The following CSMD1 variants were observed in gnomAD, a reference collection of about 807,000 sequenced individuals.
The protein encoded by CSMD1 is CUB and Sushi multiple domains 1.
CSMD1 carries 213 observed loss-of-function variants against 417.5 expected under a neutral mutation model. That is an observed-to-expected ratio of 0.51 (90% CI 0.46 to 0.57). The LOEUF is 0.57. Among genes scored for constraint, CSMD1 ranks in the 20% least tolerant of loss-of-function variants. The pLI, the probability that CSMD1 is intolerant of heterozygous loss-of-function variation, is 0.00. For missense variants in CSMD1, 6,923 were observed against 4,529.7 expected (o/e 1.53, Z -15.17); for synonymous variants, 2,862 against 1,736.8 (o/e 1.65, Z -16.11).
intron 7 of CSMD1, among the ~76,000 whole-genome samples, chr8:3,700,112 G>A (rs941546775): frequency 7.2e-5 from 11 of 152,182 alleles, no homozygotes; most frequent in African/African-American, 2.4e-4. Context: ...TGGGGGAAGA[G>A]TGGGAGTGGG....
chr8:2,972,302 A>G (rs1585073577), intron 57 of CSMD1, among the ~76,000 whole-genome samples: 3 of 152,334 alleles, frequency 2.0e-5, no homozygotes, highest in South Asian at 4.1e-4. Context: ...GAGCTTACTC[A>G]AGTTGGTAAA....
intron 2 of CSMD1, among the ~76,000 whole-genome samples, chr8:4,526,643 T>C (rs1476010293): frequency 1.3e-5 from 2 of 152,202 alleles, no homozygotes; most frequent in Non-Finnish European, 2.9e-5. Context: ...TTAACAAAAA[T>C]TGTGTAATTT....
intron 2 of CSMD1, among the ~76,000 whole-genome samples, chr8:4,456,200 T>C (rs1799472963): frequency 6.6e-6 from 1 of 151,996 alleles, no homozygotes; most frequent in Non-Finnish European, 1.5e-5. Context: ...TTATTACAGG[T>C]TTTTAAAGCT....
At chr8:2,999,049 A>G (rs1807160179) in intron 53 of CSMD1, among the ~76,000 whole-genome samples, 1 of 152,176 alleles carries the variant, frequency 6.6e-6, no homozygotes, top group Admixed American at 6.6e-5. Flanking sequence ...AAGTGAGAGT[A>G]CATTGTTCGA....
chr8:4,209,909 T>A (rs989215135), intron 3 of CSMD1, among the ~76,000 whole-genome samples: 1 of 152,190 alleles, frequency 6.6e-6, no homozygotes, highest in South Asian at 2.1e-4. Flanking sequence ...GTGGTCTCCA[T>A]GGAAAGCGGT....
intron 5 of CSMD1, among the ~76,000 whole-genome samples, chr8:3,870,888 C>A (rs370106944): frequency 5.9e-5 from 9 of 151,850 alleles, no homozygotes; most frequent in African/African-American, 2.2e-4. Flanking sequence ...TTTAATGTTC[C>A]GTTTGCTAGC....
chr8:4,399,498 T>A (rs1188372214), intron 3 of CSMD1, among the ~76,000 whole-genome samples: 1 of 152,180 alleles, frequency 6.6e-6, no homozygotes, highest in Admixed American at 6.5e-5. Flanking sequence ...TTAAGTTCAA[T>A]GTCCTTAGCT....
intron 5 of CSMD1, among the ~76,000 whole-genome samples, chr8:3,879,787 G>C (rs1585131154): frequency 1.3e-5 from 2 of 151,990 alleles, no homozygotes; most frequent in East Asian, 3.9e-4. Flanking sequence ...TTCAGCTTCA[G>C]ATATTTGTCA....
At chr8:3,736,828 G>A (rs1326645797) in intron 6 of CSMD1, among the ~76,000 whole-genome samples, 1 of 152,174 alleles carries the variant, frequency 6.6e-6, no homozygotes, top group East Asian at 1.9e-4. Flanking sequence ...TTGTGAGGCT[G>A]CTGGGATGTT....
chr8:3,369,130 C>T (rs1021630577), intron 19 of CSMD1, 124 bp downstream of exon 19: 1 of 547,922 alleles, frequency 1.8e-6, no homozygotes, highest in East Asian at 3.0e-5. Context: ...AAGTTAAAAT[C>T]TTGAACTATA....
rs79652367 is a variant in CSMD1 at position 4,699,177 on chromosome 8, T to C, written c.86-61619A>G. 7.9e-3 allele frequency among the ~76,000 whole-genome samples: 1,196 copies of C among 152,318 alleles called. 8 individuals carry two copies. The highest frequency in any genetic ancestry group is 0.027 in the African/African-American group (1,107 of 41,562). ...TTAATTCCGTGTTTCACTCTGGACC[T>C]CTCAAAGCCTGCTAAGTATGTAAAG... On this transcript the variant is annotated intron_variant, in intron 1 of 69. Transcript: ENST00000635120.
intron 15 of CSMD1, among the ~76,000 whole-genome samples, chr8:3,402,908 G>A (rs895269169): frequency 1.3e-5 from 2 of 151,732 alleles, no homozygotes; most frequent in African/African-American, 4.9e-5. Flanking sequence ...AGGACTTAAA[G>A]ATAGACATTT....
chr8:3,033,139 C>T (rs1347421080), intron 50 of CSMD1, among the ~76,000 whole-genome samples: 1 of 151,992 alleles, frequency 6.6e-6, no homozygotes, highest in Non-Finnish European at 1.5e-5. Context: ...TTTGAAAGTT[C>T]TTTATGAATA....
chr8:3,843,915 T>A (rs1005351933), intron 5 of CSMD1, among the ~76,000 whole-genome samples: 1 of 152,160 alleles, frequency 6.6e-6, no homozygotes, highest in Non-Finnish European at 1.5e-5. Flanking sequence ...CCAGCAGAAC[T>A]TTCCATTGCA....
intron 3 of CSMD1, among the ~76,000 whole-genome samples, chr8:4,396,508 A>T (rs1464601758): frequency 6.6e-6 from 1 of 152,132 alleles, no homozygotes; most frequent in African/African-American, 2.4e-5. Context: ...ATCGATTGCC[A>T]AAAGCATACG....
chr8:3,061,876 C>T, intron 49 of CSMD1, among the ~76,000 whole-genome samples: 1 of 152,092 alleles, frequency 6.6e-6, no homozygotes, highest in South Asian at 2.1e-4. Flanking sequence ...GGCATTAGAA[C>T]ATTATGCAAA....
At chr8:4,829,617 G>A (rs2117434335) in intron 1 of CSMD1, among the ~76,000 whole-genome samples, 1 of 152,022 alleles carries the variant, frequency 6.6e-6, no homozygotes, top group Non-Finnish European at 1.5e-5. Flanking sequence ...GGTCATGCCT[G>A]TGGTCCCAAG....
intron 7 of CSMD1, among the ~76,000 whole-genome samples, chr8:3,666,012 G>C (rs1330414874): frequency 6.6e-6 from 1 of 152,162 alleles, no homozygotes; most frequent in Admixed American, 6.5e-5. Context: ...TCCTGCCTCA[G>C]CCTCCACGGA....
At chr8:4,545,664 A>G (rs1797595759) in intron 2 of CSMD1, among the ~76,000 whole-genome samples, 1 of 152,182 alleles carries the variant, frequency 6.6e-6, no homozygotes, top group African/African-American at 2.4e-5. Flanking sequence ...GGAGTTTCCC[A>G]GTGTGCAGTG....
Sources: gnomAD v4.1 joint callset for allele counts (sites outside exome capture counted in the v4.1 genomes callset) on GRCh38, gnomAD v4.1.1 for gene constraint, MANE v1.5 for transcripts, NCBI Gene and HGNC (gene_info 2026-07-23, HGNC 2026-07-21) for gene names.